Variants in CCDC85A observed in about 807,000 individuals in gnomAD.
CCDC85A encodes the protein coiled-coil domain containing 85A.
A neutral mutation model predicts 50.2 loss-of-function variants in CCDC85A; 38 were observed. That is an observed-to-expected ratio of 0.76 (90% CI 0.58 to 0.99). The LOEUF is 0.99. Ranked by LOEUF, CCDC85A falls within the 50% of genes least tolerant of loss-of-function variation. The pLI is 0.00. For synonymous variants in CCDC85A, 366 were observed against 301.4 expected (o/e 1.21, Z -2.22); for missense variants, 820 against 742.0 (o/e 1.11, Z -1.22).
chr2:56,276,134 T>C (rs1670929171), intron 2 of CCDC85A, among the ~76,000 whole-genome samples: 1 of 152,192 alleles, frequency 6.6e-6, no homozygotes, highest in Non-Finnish European at 1.5e-5. Context: ...CTTATATTCC[T>C]ATTAGGTAAA....
chr2:56,240,047 C>T (rs1018680807), intron 2 of CCDC85A, among the ~76,000 whole-genome samples: 2 of 152,018 alleles, frequency 1.3e-5, no homozygotes, highest in South Asian at 2.1e-4. Flanking sequence ...CTAAAATTCA[C>T]CCTTTTACAA....
chr2:56,269,884 A>G (rs1176968048), intron 2 of CCDC85A, among the ~76,000 whole-genome samples: 3 of 152,164 alleles, frequency 2.0e-5, no homozygotes, highest in African/African-American at 4.8e-5. Context: ...TTCTATCCAC[A>G]TTAGCTTTGC....
At chr2:56,253,365 A>G (rs1669851667) in intron 2 of CCDC85A, among the ~76,000 whole-genome samples, 1 of 152,176 alleles carries the variant, frequency 6.6e-6, no homozygotes, top group African/African-American at 2.4e-5. Context: ...GTGAAGATCA[A>G]GGGAAGAGTT....
In CCDC85A at chr2:56,375,820, C is replaced by A; in HGVS notation, c.1457C>A (p.Ser486Tyr). The A allele has an allele frequency of 6.2e-7, 1 of 1,613,206 alleles. No individual in the cohort carries two copies. The highest frequency in any genetic ancestry group is 8.5e-7 in the Non-Finnish European group (1 of 1,179,572). ...IGRCLPTLPG[S>Y]FRLSSGADGS... ...AGTTGTTGATTTTCTACTAAGGGTT[C>A]TTTTAGGTTGTCATCAGGGGCTGAT... Residue 486 changes from serine (S) to tyrosine (Y), a missense_variant, in exon 5 of 6, where the codon TCT (serine) becomes TAT (tyrosine). By Grantham distance (144) the Ser-to-Tyr change is moderately radical. Coordinates refer to ENST00000407595, the MANE Select transcript of CCDC85A (RefSeq NM_001080433.2).
rs570164984 is a variant in CCDC85A, at chr2:56,217,291, T to A, written c.1240+23851T>A. Among the ~76,000 whole-genome samples, 6 of 151,972 alleles carry A rather than the reference T, an allele frequency of 3.9e-5. No homozygotes were observed. The South Asian group carries it at 1.2e-3, about 32-fold the overall frequency. On this transcript the variant is annotated intron_variant, in intron 2 of 5. Transcript: ENST00000407595. ...CGTCTCCCTAATCATTGAGTGGGCCTCCCCCTGGAGGCCTAATCTGTGTTG... is the reference window on the plus strand; with the variant it reads ...CGTCTCCCTAATCATTGAGTGGGCCACCCCCTGGAGGCCTAATCTGTGTTG...
At chr2:56,313,207 C>T (rs111705348) in intron 2 of CCDC85A, among the ~76,000 whole-genome samples, 1 of 152,038 alleles carries the variant, frequency 6.6e-6, no homozygotes, top group African/African-American at 2.4e-5. Flanking sequence ...ACTCTGTCTT[C>T]TATTTTTATC....
intron 5 of CCDC85A, among the ~76,000 whole-genome samples, chr2:56,381,403 C>T (rs1295109845): frequency 6.6e-6 from 1 of 152,018 alleles, no homozygotes; most frequent in African/African-American, 2.4e-5. Context: ...CTAGAAGGAG[C>T]CATAGAGGTC....
chr2:56,295,657 T>C (rs1440475604), intron 2 of CCDC85A, among the ~76,000 whole-genome samples: 1 of 152,198 alleles, frequency 6.6e-6, no homozygotes, highest in Non-Finnish European at 1.5e-5. Context: ...TGCCACTCAC[T>C]ATCATTCCAG....
At chr2:56,250,302 A>G (rs1669696991) in intron 2 of CCDC85A, among the ~76,000 whole-genome samples, 1 of 152,212 alleles carries the variant, frequency 6.6e-6, no homozygotes, top group African/African-American at 2.4e-5. Context: ...CCTATGCTGT[A>G]ATTGGCACAG....
chr2:56,285,887 TG>T (rs899194015), intron 2 of CCDC85A, among the ~76,000 whole-genome samples: 1 of 152,154 alleles, frequency 6.6e-6, no homozygotes, highest in Non-Finnish European at 1.5e-5. Context: ...AATTTCTTTT[TG>T]TAGTACAGGT....
At chr2:56,277,115 C>G (rs1206292529) in intron 2 of CCDC85A, among the ~76,000 whole-genome samples, 2 of 152,118 alleles carry the variant, frequency 1.3e-5, no homozygotes, top group Non-Finnish European at 1.5e-5. Context: ...TTTTTTCATT[C>G]TTTCACAATA....
intron 1 of CCDC85A, 31 bp downstream of exon 1, chr2:56,184,931 G>A: frequency 6.9e-7 from 1 of 1,450,586 alleles, no homozygotes; most frequent in Non-Finnish European, 9.0e-7. Context: ...GAGGCGCGGC[G>A]CGGCTGGGAG....
At chr2:56,377,946 G>A (rs1676416531) in intron 5 of CCDC85A, among the ~76,000 whole-genome samples, 1 of 151,830 alleles carries the variant, frequency 6.6e-6, no homozygotes, top group African/African-American at 2.4e-5. Context: ...GTTATATTCA[G>A]TACACATAAG....
intron 2 of CCDC85A, among the ~76,000 whole-genome samples, chr2:56,236,279 C>G (rs1669012470): frequency 1.3e-5 from 2 of 152,084 alleles, no homozygotes; most frequent in Admixed American, 6.6e-5. Flanking sequence ...GAAGCTGCTC[C>G]CTGTGTTTGA....
At chr2:56,261,500 C>A (rs1378143682) in intron 2 of CCDC85A, among the ~76,000 whole-genome samples, 1 of 152,194 alleles carries the variant, frequency 6.6e-6, no homozygotes, top group East Asian at 1.9e-4. Flanking sequence ...CTGGTAGTAT[C>A]ACTTTGGTTG....
chr2:56,299,823 G>T (rs984271160), intron 2 of CCDC85A, among the ~76,000 whole-genome samples: 2 of 152,174 alleles, frequency 1.3e-5, no homozygotes, highest in Non-Finnish European at 2.9e-5. Context: ...ATCAGCTGGT[G>T]CTTACCTTCC....
chr2:56,211,594 A>G (rs1272378506), intron 2 of CCDC85A, among the ~76,000 whole-genome samples: 3 of 151,984 alleles, frequency 2.0e-5, no homozygotes, highest in Admixed American at 6.6e-5. Context: ...AACTAAAGAT[A>G]TTCCTTTTCC....
intron 4 of CCDC85A, among the ~76,000 whole-genome samples, chr2:56,374,967 T>A (rs1676262601): frequency 6.6e-6 from 1 of 152,174 alleles, no homozygotes; most frequent in South Asian, 2.1e-4. Flanking sequence ...TAGGCAGAAA[T>A]TAAAATTTCA....
intron 2 of CCDC85A, among the ~76,000 whole-genome samples, chr2:56,322,732 G>T (rs553656540): frequency 6.2e-4 from 94 of 152,284 alleles, no homozygotes; most frequent in African/African-American, 2.2e-3. Flanking sequence ...GCAAGACAGT[G>T]TGGTGATTCC....
Sources: allele counts gnomAD v4.1 joint callset (sites outside exome capture counted in the v4.1 genomes callset), GRCh38; gene constraint gnomAD v4.1.1; transcripts MANE v1.5; gene names NCBI Gene and HGNC (gene_info 2026-07-23, HGNC 2026-07-21).